The following RASGRF1 variants were observed in gnomAD, a reference collection of about 807,000 sequenced individuals.
RASGRF1 encodes the protein ras-specific guanine nucleotide-releasing factor 1.
Under a neutral mutation model 138.7 loss-of-function variants are expected in RASGRF1, and 40 were observed. The observed-to-expected ratio is 0.29, with a 90% CI of 0.22 to 0.38. The LOEUF (loss-of-function observed/expected upper bound fraction) is 0.38. RASGRF1 is among the 10% of genes least tolerant of loss of function. The pLI, the probability that RASGRF1 is intolerant of heterozygous loss-of-function variation, is 1.00. For synonymous variants in RASGRF1, 614 were observed against 663.2 expected, an observed-to-expected ratio of 0.93 and a Z score of 1.14; for missense variants, 1,108 against 1,650.4, an observed-to-expected ratio of 0.67 and a Z score of 5.69.
intron 10 of RASGRF1, among the ~76,000 whole-genome samples, chr15:79,022,007 C>T (rs1249809947): frequency 1.3e-5 from 2 of 152,234 alleles, no homozygotes; most frequent in Non-Finnish European, 2.9e-5. Flanking sequence ...GGTATTTCTA[C>T]ACCCTTTATG....
At chr15:79,037,879 A>AT (rs2057244131) in intron 5 of RASGRF1, among the ~76,000 whole-genome samples, 1 of 151,710 alleles carries the variant, frequency 6.6e-6, no homozygotes, top group Non-Finnish European at 1.5e-5. Context: ...TCTGGGGGTA[A>AT]TGGGAGACAG....
chr15:79,074,303 C>A (rs928162890), intron 1 of RASGRF1, among the ~76,000 whole-genome samples: 1 of 152,244 alleles, frequency 6.6e-6, no homozygotes, highest in Non-Finnish European at 1.5e-5. Flanking sequence ...CAAGTGGCCC[C>A]TGTGGGGAAA....
chr15:78,989,840 C>T (rs1414641250), intron 22 of RASGRF1, among the ~76,000 whole-genome samples: 1 of 152,160 alleles, frequency 6.6e-6, no homozygotes, highest in Non-Finnish European at 1.5e-5. Flanking sequence ...CCCTTCTGTT[C>T]TCTTTGCCAC....
In RASGRF1 at chr15:78,990,149, G is replaced by GA. The variant is rs757526181; in HGVS notation, c.3216+39dup. On this transcript the variant is annotated intron_variant, in intron 22 of 26. Transcript: ENST00000558480. ...CCAGCCTCTTGAGCGTCTTGCCAAA[G>GA]AAAAACCCCAGTGAGAGAGGCGCTC... 8 of 1,486,516 alleles carry GA rather than the reference G, an allele frequency of 5.4e-6. No homozygotes were observed. In the South Asian group the frequency reaches 7.9e-5, roughly 15 times the overall value. The allele number at this position is 1,486,516 out of a possible 1,614,324, so 92.1% of individuals were successfully genotyped here.
intron 1 of RASGRF1, among the ~76,000 whole-genome samples, chr15:79,072,404 G>T (rs935918361): frequency 1.3e-5 from 2 of 148,976 alleles, no homozygotes; most frequent in African/African-American, 4.9e-5. Flanking sequence ...GCCTCCCGAG[G>T]AGCTGGGACT....
intron 13 of RASGRF1, among the ~76,000 whole-genome samples, chr15:79,012,215 C>T (rs576202968): frequency 7.2e-4 from 109 of 152,130 alleles, no homozygotes; most frequent in Non-Finnish European, 1.1e-3. Flanking sequence ...TTTTTGCCTC[C>T]GAACCTATGT....
chr15:79,010,205 T>G (rs2056769614), intron 13 of RASGRF1, among the ~76,000 whole-genome samples: 1 of 151,806 alleles, frequency 6.6e-6, no homozygotes, highest in African/African-American at 2.4e-5. Flanking sequence ...ACCAGCTAAT[T>G]TTTTGTATTT....
At chr15:79,083,108 C>T (rs900264401) in intron 1 of RASGRF1, among the ~76,000 whole-genome samples, 2 of 152,164 alleles carry the variant, frequency 1.3e-5, no homozygotes, top group African/African-American at 4.8e-5. Context: ...GATCTAATGC[C>T]GGGTCGCCAT....
intron 5 of RASGRF1, among the ~76,000 whole-genome samples, chr15:79,039,962 T>A (rs991149869): frequency 6.6e-6 from 1 of 152,052 alleles, no homozygotes; most frequent in Non-Finnish European, 1.5e-5. Flanking sequence ...AGAGATGGGA[T>A]CTCCCTATGT....
intron 3 of RASGRF1, among the ~76,000 whole-genome samples, chr15:79,051,605 G>T (rs1326683631): frequency 6.6e-6 from 1 of 152,212 alleles, no homozygotes; most frequent in Non-Finnish European, 1.5e-5. Flanking sequence ...ATGGTGATAT[G>T]TGTGTGTATG....
chr15:78,985,917 T>C (rs1227813133), intron 22 of RASGRF1: 3 of 91,210 alleles, frequency 3.3e-5, no homozygotes, highest in Non-Finnish European at 5.8e-5. Context: ...AGAGCGAGAC[T>C]CCATCTCAGA....
chr15:79,019,390 A>G (rs546317553), intron 11 of RASGRF1, among the ~76,000 whole-genome samples: 13 of 152,094 alleles, frequency 8.5e-5, no homozygotes, highest in South Asian at 2.1e-4. Context: ...TGGGAGATAA[A>G]TCCCATCAAA....
chr15:79,000,006 A>G, intron 16 of RASGRF1, 93 bp from the exon 17 acceptor site: 1 of 1,360,486 alleles, frequency 7.4e-7, no homozygotes, highest in Admixed American at 1.9e-5. Context: ...GAGCAGCCTT[A>G]AGAGCCAGCA....
Position 79,032,132 on chromosome 15 carries a change from G to A in RASGRF1, c.1143C>T (p.Pro381=), listed in dbSNP as rs1371110445. The change falls in exon 7 of 27, where the codon CCC becomes CCT. Residue 381 remains proline, a synonymous_variant. Coordinates refer to ENST00000558480, the MANE Select transcript of RASGRF1 (RefSeq NM_001145648.3). This position sits in a 1 kb window ranked among gnomAD's most constrained non-coding sequence, Gnocchi z 4.5. ...CAGGGCCGGACGCCACCTGGAACATGGGGTAGGTGAGGAAGGTCTCCAGCG... is the reference window on the plus strand; with the variant it reads ...CAGGGCCGGACGCCACCTGGAACATAGGGTAGGTGAGGAAGGTCTCCAGCG... The part of the protein sequence containing the change: ...ERTLETFLTY[P]MFQIPRYILT... The A allele has an allele frequency of 6.2e-7, 1 of 1,613,758 alleles. No homozygotes were observed. The highest frequency in any genetic ancestry group is 2.2e-5 in the East Asian group (1 of 44,874).
chr15:78,968,394 C>T (rs956446358), intron 26 of RASGRF1, among the ~76,000 whole-genome samples: 1 of 151,988 alleles, frequency 6.6e-6, no homozygotes, highest in Admixed American at 6.6e-5. Flanking sequence ...GCCTCAGACT[C>T]CTGAGTAGAT....
intron 1 of RASGRF1, among the ~76,000 whole-genome samples, chr15:79,089,987 G>T (rs2058032297): frequency 6.6e-6 from 1 of 152,168 alleles, no homozygotes; most frequent in Non-Finnish European, 1.5e-5. Context: ...GGCTCGTCCG[G>T]CGAAGGGCAG....
intron 14 of RASGRF1, among the ~76,000 whole-genome samples, chr15:79,005,893 G>A (rs3743202): frequency 1.3e-5 from 2 of 152,020 alleles, no homozygotes; most frequent in South Asian, 2.1e-4. Context: ...TTCCAGGAGC[G>A]GGGCTAAGAG....
intron 5 of RASGRF1, among the ~76,000 whole-genome samples, chr15:79,035,794 C>G (rs991970730): frequency 6.6e-6 from 1 of 152,190 alleles, no homozygotes; most frequent in African/African-American, 2.4e-5. Context: ...CCCCTGGAAG[C>G]AATGGGACAA....
intron 2 of RASGRF1, among the ~76,000 whole-genome samples, chr15:79,061,570 T>G (rs2057608219): frequency 1.3e-5 from 2 of 152,010 alleles, no homozygotes; most frequent in Non-Finnish European, 2.9e-5. Flanking sequence ...CCCTTATGCC[T>G]CTTCCCTGTC....
Sources: allele counts gnomAD v4.1 joint callset (sites outside exome capture counted in the v4.1 genomes callset), GRCh38; gene constraint gnomAD v4.1.1; non-coding constraint Gnocchi (gnomAD v3.1); transcripts MANE v1.5; gene names NCBI Gene and HGNC (gene_info 2026-07-23, HGNC 2026-07-21).